The following HMGCLL1 variants were observed in gnomAD, a reference collection of about 807,000 sequenced individuals.
HMGCLL1 encodes the protein 3-hydroxy-3-methylglutaryl-CoA lyase like 1, also known as 3-hydroxymethyl-3-methylglutaryl-CoA lyase, cytoplasmic.
HMGCLL1 carries 36 observed loss-of-function variants against 39.1 expected under a neutral mutation model. The observed-to-expected ratio is 0.92, with a 90% CI of 0.71 to 1.22. The LOEUF (loss-of-function observed/expected upper bound fraction) is 1.22. HMGCLL1 is among the 50% of genes most tolerant of loss of function. The probability of loss-of-function intolerance (pLI) is 0.00; values close to 1 mark genes in which losing one functional copy is unlikely to be tolerated. For missense variants in HMGCLL1, 451 were observed against 416.5 expected (o/e 1.08, Z -0.72); for synonymous variants, 149 against 144.0 (o/e 1.03, Z -0.25).
chr6:55,598,952 T>G, the HMGCLL1 span, among the ~76,000 whole-genome samples: 2 of 152,214 alleles, frequency 1.3e-5, no homozygotes, highest in Non-Finnish European at 2.9e-5. Flanking sequence ...GATGAGTTCA[T>G]GTTCTTTTCA....
chr6:55,573,533 A>G (rs1771621732), intron 1 of HMGCLL1, among the ~76,000 whole-genome samples: 1 of 152,162 alleles, frequency 6.6e-6, no homozygotes, highest in African/African-American at 2.4e-5. Flanking sequence ...TCAAAATATA[A>G]TAACTGAAAT....
chr6:55,633,477 T>TAA, the HMGCLL1 span, among the ~76,000 whole-genome samples: 1 of 150,238 alleles, frequency 6.7e-6, no homozygotes, highest in Non-Finnish European at 1.5e-5. Context: ...CATGGAATAA[T>TAA]AAAAAAAACA....
chr6:55,660,192 A>G, the HMGCLL1 span, among the ~76,000 whole-genome samples: 1 of 151,716 alleles, frequency 6.6e-6, no homozygotes, highest in Admixed American at 6.6e-5. Context: ...TCAGAAAGAC[A>G]AGAAAAAGCC....
chr6:55,484,296 T>C (rs1765895882), intron 7 of HMGCLL1, among the ~76,000 whole-genome samples: 1 of 152,022 alleles, frequency 6.6e-6, no homozygotes, highest in Admixed American at 6.6e-5. Context: ...AGTTTTCTCT[T>C]ACTTCATAAA....
the HMGCLL1 span, among the ~76,000 whole-genome samples, chr6:55,641,917 T>TA: frequency 2.3e-5 from 3 of 129,006 alleles, no homozygotes; most frequent in South Asian, 7.1e-4. Context: ...TTTATTTATT[T>TA]TTTATTATAC....
chr6:55,571,135 C>T (rs989395748), intron 1 of HMGCLL1, among the ~76,000 whole-genome samples: 1 of 152,144 alleles, frequency 6.6e-6, no homozygotes, highest in African/African-American at 2.4e-5. Context: ...ACAGCCAAAC[C>T]ATGTCAAATA....
At chr6:55,678,737 A>G in the HMGCLL1 span, among the ~76,000 whole-genome samples, 1 of 152,250 alleles carries the variant, frequency 6.6e-6, no homozygotes, top group Non-Finnish European at 1.5e-5. Flanking sequence ...CAAGGAAAGA[A>G]ACAAGGTTGT....
chr6:55,634,071 G>A, the HMGCLL1 span, among the ~76,000 whole-genome samples: 1 of 151,142 alleles, frequency 6.6e-6, no homozygotes, highest in Non-Finnish European at 1.5e-5. Flanking sequence ...CTGAAGGAAG[G>A]CAAACTTTTT....
chr6:55,443,785 T>C (rs1167639309), intron 7 of HMGCLL1, among the ~76,000 whole-genome samples: 5 of 152,144 alleles, frequency 3.3e-5, no homozygotes, highest in Admixed American at 1.3e-4. Context: ...AATACTGGCA[T>C]TGAAATAGTA....
intron 3 of HMGCLL1, among the ~76,000 whole-genome samples, chr6:55,525,512 G>A (rs2127444832): frequency 6.6e-6 from 1 of 151,882 alleles, no homozygotes; most frequent in Admixed American, 6.6e-5. Flanking sequence ...CCTTTATCTT[G>A]TTAACTAAGC....
At chr6:55,606,977 G>A in the HMGCLL1 span, among the ~76,000 whole-genome samples, 1 of 152,034 alleles carries the variant, frequency 6.6e-6, no homozygotes, top group African/African-American at 2.4e-5. Flanking sequence ...CCATAGAGAT[G>A]CATTTTCAAT....
At chr6:55,580,406 C>T (rs374445172), upstream of HMGCLL1, among the ~76,000 whole-genome samples, 152 of 73,190 alleles carry the variant, frequency 2.1e-3, no homozygotes, top group Admixed American at 2.7e-3. Flanking sequence ...TTTTTTCTTT[C>T]TTTTTTTTTT....
intron 1 of HMGCLL1, among the ~76,000 whole-genome samples, chr6:55,551,055 AAAT>A (rs869122343): frequency 6.6e-6 from 1 of 151,504 alleles, no homozygotes; most frequent in Non-Finnish European, 1.5e-5. Context: ...AAAAAAAAAA[AAAT>A]AAACCACAAG....
At chr6:55,629,737 G>T in the HMGCLL1 span, among the ~76,000 whole-genome samples, 1 of 152,120 alleles carries the variant, frequency 6.6e-6, no homozygotes, top group Non-Finnish European at 1.5e-5. Context: ...TCTAGACATG[G>T]CTGAAAGGGA....
rs187411515 is a variant in HMGCLL1, at chr6:55,454,211, G to C, written c.796-14652C>G. Among the ~76,000 whole-genome samples, 3 of 152,276 alleles carry C rather than the reference G, an allele frequency of 2.0e-5. No individual in the cohort carries two copies. The East Asian group carries it at 5.8e-4, about 29-fold the overall frequency. On this transcript the variant is annotated intron_variant, in intron 7 of 8. Coordinates refer to ENST00000274901, the MANE Select transcript of HMGCLL1 (RefSeq NM_001042406.2). ...AATAATTTAAAAGATAGGACACAGT[G>C]ATTCCTAGGTCTCTAGAAAGAGCAC...
the HMGCLL1 span, among the ~76,000 whole-genome samples, chr6:55,638,816 T>C: frequency 6.6e-6 from 1 of 152,104 alleles, no homozygotes; most frequent in Non-Finnish European, 1.5e-5. Context: ...AGAGATAAAT[T>C]AAATAGTTTA....
At chr6:55,448,535 CT>C (rs1763954049) in intron 7 of HMGCLL1, among the ~76,000 whole-genome samples, 2 of 151,898 alleles carry the variant, frequency 1.3e-5, no homozygotes, top group South Asian at 2.1e-4. Flanking sequence ...GGTCTATCTA[CT>C]TTTTTTCATA....
At chr6:55,475,900 T>C (rs1024282809) in intron 7 of HMGCLL1, among the ~76,000 whole-genome samples, 7 of 151,694 alleles carry the variant, frequency 4.6e-5, no homozygotes, top group African/African-American at 1.7e-4. Context: ...CAGGTGACTG[T>C]ATATGTCTGA....
chr6:55,621,283 C>A, the HMGCLL1 span, among the ~76,000 whole-genome samples: 1 of 152,014 alleles, frequency 6.6e-6, no homozygotes. Flanking sequence ...TTTTGGTATT[C>A]TTTTCAGTTT....
Sources: gnomAD v4.1 joint callset for allele counts (sites outside exome capture counted in the v4.1 genomes callset) on GRCh38, gnomAD v4.1.1 for gene constraint, MANE v1.5 for transcripts, NCBI Gene and HGNC (gene_info 2026-07-23, HGNC 2026-07-21) for gene names.